The following KANSL1L variants were observed in gnomAD, a reference collection of about 807,000 sequenced individuals.
KANSL1L encodes KAT8 regulatory NSL complex subunit 1-like protein.
KANSL1L carries 25 observed loss-of-function variants against 108.6 expected under a neutral mutation model. That is an observed-to-expected ratio of 0.23 (90% CI 0.17 to 0.32). The LOEUF is 0.32. KANSL1L is among the 10% of genes least tolerant of loss of function. The pLI is 1.00. For synonymous variants in KANSL1L, 405 were observed against 395.1 expected, an observed-to-expected ratio of 1.03 and a Z score of -0.30; for missense variants, 1,137 against 1,125.7, an observed-to-expected ratio of 1.01 and a Z score of -0.14.
chr2:210,046,632 C>A (rs879401798), intron 6 of KANSL1L, among the ~76,000 whole-genome samples: 1 of 152,012 alleles, frequency 6.6e-6, no homozygotes, highest in Non-Finnish European at 1.5e-5. Flanking sequence ...CCTTCCAGAC[C>A]CAGTAGGCTA....
At chr2:210,123,836 A>G (rs2095042892) in intron 3 of KANSL1L, among the ~76,000 whole-genome samples, 1 of 148,018 alleles carries the variant, frequency 6.8e-6, no homozygotes, top group Non-Finnish European at 1.5e-5. Context: ...TTTTAAGTTA[A>G]AAAAAAAAAG....
intron 6 of KANSL1L, among the ~76,000 whole-genome samples, chr2:210,066,664 G>A (rs548823870): frequency 6.6e-5 from 10 of 152,254 alleles, no homozygotes; most frequent in Admixed American, 2.6e-4. Context: ...ACAGGCATCG[G>A]CCACCACACC....
At chr2:210,164,200 C>T (rs1391881343) in intron 1 of KANSL1L, among the ~76,000 whole-genome samples, 5 of 151,940 alleles carry the variant, frequency 3.3e-5, no homozygotes, top group Admixed American at 1.3e-4. Flanking sequence ...TTTTCTATTC[C>T]TCTGTATGTG....
At chr2:210,165,938 T>G (rs1687932305) in intron 1 of KANSL1L, among the ~76,000 whole-genome samples, 1 of 152,192 alleles carries the variant, frequency 6.6e-6, no homozygotes, top group Non-Finnish European at 1.5e-5. Context: ...TGTATAGTTA[T>G]AACTGTTCTA....
intron 2 of KANSL1L, among the ~76,000 whole-genome samples, chr2:210,147,544 C>T (rs1005855296): frequency 6.6e-6 from 1 of 152,272 alleles, no homozygotes; most frequent in Non-Finnish European, 1.5e-5. Context: ...CCTTTACTTC[C>T]ATTCCACTTC....
chr2:210,149,151 A>C (rs1420349233), intron 2 of KANSL1L, among the ~76,000 whole-genome samples: 1 of 152,080 alleles, frequency 6.6e-6, no homozygotes, highest in Admixed American at 6.6e-5. Context: ...CAACTCCACA[A>C]TGAAATTTTT....
intron 1 of KANSL1L, among the ~76,000 whole-genome samples, chr2:210,163,926 G>T (rs2095373727): frequency 6.6e-6 from 1 of 151,734 alleles, no homozygotes; most frequent in Non-Finnish European, 1.5e-5. Flanking sequence ...TATCCAAAAT[G>T]GTAAAATTAT....
At chr2:210,145,922 G>A (rs1480464963) in intron 2 of KANSL1L, among the ~76,000 whole-genome samples, 1 of 152,026 alleles carries the variant, frequency 6.6e-6, no homozygotes, top group Non-Finnish European at 1.5e-5. Context: ...TGGAAGCTCT[G>A]GAGTCTGGGG....
At chr2:210,099,824 T>C (rs544910718) in intron 4 of KANSL1L, among the ~76,000 whole-genome samples, 362 of 152,268 alleles carry the variant, frequency 2.4e-3, no homozygotes, top group African/African-American at 8.2e-3. Context: ...AAATCTCACA[T>C]ACCCGAGTCA....
chr2:210,073,749 A>T (rs2094523215), intron 6 of KANSL1L, among the ~76,000 whole-genome samples: 1 of 150,518 alleles, frequency 6.6e-6, no homozygotes, highest in African/African-American at 2.5e-5. Context: ...AGACCACTGC[A>T]GTAGGCAAAT....
chr2:210,146,533 T>C (rs1191514525), intron 2 of KANSL1L, among the ~76,000 whole-genome samples: 2 of 152,228 alleles, frequency 1.3e-5, no homozygotes, highest in Admixed American at 6.5e-5. Flanking sequence ...GTTTGTTTCA[T>C]CTATGAAGGT....
chr2:210,149,422 A>C (rs1001101353), intron 2 of KANSL1L, among the ~76,000 whole-genome samples: 26 of 152,154 alleles, frequency 1.7e-4, no homozygotes, highest in Admixed American at 1.7e-3. Context: ...TATTCAATAA[A>C]GACAATGAAA....
At chr2:210,136,494 A>T (rs1187782231) in intron 2 of KANSL1L, among the ~76,000 whole-genome samples, 1 of 152,204 alleles carries the variant, frequency 6.6e-6, no homozygotes, top group East Asian at 1.9e-4. Context: ...TAAATGTTAA[A>T]CTAATCAAAA....
intron 3 of KANSL1L, among the ~76,000 whole-genome samples, chr2:210,123,683 T>A (rs2095041472): frequency 1.3e-5 from 2 of 152,088 alleles, no homozygotes; most frequent in Admixed American, 6.6e-5. Context: ...ATTGGACAGT[T>A]TATAACACAA....
chr2:210,029,949 C>T, intron 9 of KANSL1L, 31 bp from the exon 10 acceptor site: 1 of 1,107,312 alleles, frequency 9.0e-7, no homozygotes, highest in South Asian at 1.3e-5. Flanking sequence ...GAATGTTACA[C>T]ATTAAACAAG....
intron 2 of KANSL1L, among the ~76,000 whole-genome samples, chr2:210,133,635 G>T (rs2095146968): frequency 6.6e-6 from 1 of 151,896 alleles, no homozygotes; most frequent in South Asian, 2.1e-4. Flanking sequence ...TTAAGTAGGA[G>T]ACTTAGACCA....
intron 3 of KANSL1L, among the ~76,000 whole-genome samples, chr2:210,127,798 CAAAA>C (rs55979027): frequency 3.6e-5 from 1 of 28,126 alleles, no homozygotes; most frequent in Admixed American, 7.4e-4. Context: ...GACTCTGCCT[CAAAA>C]AAAAAAAAAA....
chr2:210,138,545 T>C (rs1200313016), intron 2 of KANSL1L, among the ~76,000 whole-genome samples: 1 of 152,230 alleles, frequency 6.6e-6, no homozygotes, highest in African/African-American at 2.4e-5. Flanking sequence ...TTTGCAGTGT[T>C]TAGATTTGTC....
intron 2 of KANSL1L, among the ~76,000 whole-genome samples, chr2:210,138,101 T>C (rs879642122): frequency 3.3e-5 from 5 of 152,190 alleles, no homozygotes; most frequent in Non-Finnish European, 5.9e-5. Flanking sequence ...AAAATGTGCA[T>C]TTTGGAATCC....
Sources: gnomAD v4.1 joint callset for allele counts (sites outside exome capture counted in the v4.1 genomes callset) on GRCh38, gnomAD v4.1.1 for gene constraint, MANE v1.5 for transcripts, NCBI Gene and HGNC (gene_info 2026-07-23, HGNC 2026-07-21) for gene names.